Variants in TMEM132D observed in about 807,000 individuals in gnomAD.
TMEM132D encodes mature OL transmembrane protein.
A neutral mutation model predicts 62.3 loss-of-function variants in TMEM132D; 21 were observed. The observed-to-expected ratio is 0.34, with a 90% CI of 0.24 to 0.49. The LOEUF (loss-of-function observed/expected upper bound fraction) is 0.49, where lower values mean the gene tolerates loss of function less well. TMEM132D is among the 20% of genes least tolerant of loss of function. The pLI is 0.99. For missense variants in TMEM132D, 1,346 were observed against 1,402.8 expected (o/e 0.96, Z 0.65); for synonymous variants, 621 against 575.6 (o/e 1.08, Z -1.13).
At chr12:129,626,096 A>G (rs571449231) in intron 2 of TMEM132D, among the ~76,000 whole-genome samples, 2 of 152,204 alleles carry the variant, frequency 1.3e-5, no homozygotes, top group South Asian at 2.1e-4. Flanking sequence ...CTGGGAAAAA[A>G]AAAAAAGCTC....
intron 2 of TMEM132D, among the ~76,000 whole-genome samples, chr12:129,663,758 G>A (rs969883500): frequency 6.6e-6 from 1 of 152,130 alleles, no homozygotes; most frequent in Admixed American, 6.5e-5. Context: ...AGAAACAAGA[G>A]GAGAAGAAAG....
chr12:129,424,329 G>T, intron 3 of TMEM132D, among the ~76,000 whole-genome samples: 1 of 151,980 alleles, frequency 6.6e-6, no homozygotes, highest in East Asian at 1.9e-4. Context: ...ACATTCTCTA[G>T]TCACGCACTC....
chr12:129,870,379 C>A (rs964048986), intron 1 of TMEM132D, among the ~76,000 whole-genome samples: 2 of 152,168 alleles, frequency 1.3e-5, no homozygotes, highest in African/African-American at 4.8e-5. Context: ...CATGGGTTTA[C>A]AGTTCCACTC....
chr12:129,815,090 A>G (rs1872306060), intron 1 of TMEM132D, among the ~76,000 whole-genome samples: 1 of 152,234 alleles, frequency 6.6e-6, no homozygotes, highest in African/African-American at 2.4e-5. Context: ...TAGATGCTTA[A>G]TGAATATTTG....
At chr12:129,826,043 A>G (rs556010031) in intron 1 of TMEM132D, among the ~76,000 whole-genome samples, 7 of 152,350 alleles carry the variant, frequency 4.6e-5, no homozygotes, top group Admixed American at 3.9e-4. Context: ...TCTGGGCAAC[A>G]GAGCAAGACC....
At chr12:129,464,920 T>A (rs1873831955) in intron 3 of TMEM132D, among the ~76,000 whole-genome samples, 1 of 151,088 alleles carries the variant, frequency 6.6e-6, no homozygotes, top group Non-Finnish European at 1.5e-5. Context: ...CCTCCAGCTT[T>A]GTTCTTTTGG....
chr12:129,438,103 G>A (rs1593008691), intron 3 of TMEM132D, among the ~76,000 whole-genome samples: 1 of 152,238 alleles, frequency 6.6e-6, no homozygotes, highest in Non-Finnish European at 1.5e-5. Context: ...ATTCCATGGT[G>A]AATATGTACC....
intron 2 of TMEM132D, among the ~76,000 whole-genome samples, chr12:129,597,906 G>A (rs919253387): frequency 6.6e-5 from 10 of 152,236 alleles, no homozygotes; most frequent in Non-Finnish European, 1.0e-4. Context: ...GGTGGATGGG[G>A]TGATGGGTAC....
At chr12:129,580,041 G>C (rs910165524) in intron 2 of TMEM132D, among the ~76,000 whole-genome samples, 2 of 152,212 alleles carry the variant, frequency 1.3e-5, no homozygotes, top group Non-Finnish European at 1.5e-5. Context: ...AAAGAGGTAA[G>C]TGGCTACTTG....
intron 3 of TMEM132D, among the ~76,000 whole-genome samples, chr12:129,339,775 C>G (rs572541190): frequency 6.6e-6 from 1 of 152,166 alleles, no homozygotes; most frequent in South Asian, 2.1e-4. Context: ...CTGTGGGCCT[C>G]GCCTTCTGTT....
intron 2 of TMEM132D, among the ~76,000 whole-genome samples, chr12:129,594,421 A>G (rs1279583082): frequency 6.6e-6 from 1 of 152,220 alleles, no homozygotes. Context: ...GTGAAAATCA[A>G]GAGAGATCCT....
At chr12:129,491,977 A>C (rs530479893) in intron 3 of TMEM132D, among the ~76,000 whole-genome samples, 1 of 152,188 alleles carries the variant, frequency 6.6e-6, no homozygotes, top group African/African-American at 2.4e-5. Flanking sequence ...AGCTATCTCT[A>C]AAGAATACTT....
intron 5 of TMEM132D, among the ~76,000 whole-genome samples, chr12:129,131,010 C>A (rs2135525022): frequency 6.6e-6 from 1 of 152,166 alleles, no homozygotes; most frequent in South Asian, 2.1e-4. Context: ...CTGTAAGTTA[C>A]CAAGGTGTTT....
chr12:129,309,446 G>A (rs971358166), intron 4 of TMEM132D, among the ~76,000 whole-genome samples: 3 of 152,176 alleles, frequency 2.0e-5, no homozygotes, highest in Non-Finnish European at 2.9e-5. Context: ...AATATATGTT[G>A]GCCCTTTCTC....
At chr12:129,893,980 G>T (rs370134565) in intron 1 of TMEM132D, among the ~76,000 whole-genome samples, 99 of 152,322 alleles carry the variant, frequency 6.5e-4, no homozygotes, top group African/African-American at 2.3e-3. Context: ...AAATGGGAAA[G>T]AAGCCTTCTC....
At chr12:129,130,804 C>A (rs937120122) in intron 5 of TMEM132D, among the ~76,000 whole-genome samples, 1 of 152,180 alleles carries the variant, frequency 6.6e-6, no homozygotes, top group African/African-American at 2.4e-5. Flanking sequence ...CAGAAATTAG[C>A]TGGAAAACAT....
chr12:129,585,032 T>C (rs1424313468), intron 2 of TMEM132D, among the ~76,000 whole-genome samples: 1 of 152,260 alleles, frequency 6.6e-6, no homozygotes, highest in African/African-American at 2.4e-5. Context: ...CTAGTATCAC[T>C]GAGGTATGGA....
chr12:129,226,116 T>C (rs995676240), intron 4 of TMEM132D, among the ~76,000 whole-genome samples: 16 of 152,248 alleles, frequency 1.1e-4, no homozygotes, highest in Admixed American at 1.0e-3. Flanking sequence ...TCGCATCATG[T>C]GTTTGCTCTG....
chr12:129,787,280 G>A (rs1003721983), intron 1 of TMEM132D, among the ~76,000 whole-genome samples: 4 of 152,316 alleles, frequency 2.6e-5, no homozygotes, highest in African/African-American at 4.8e-5. Context: ...CTAAAGGGAA[G>A]TAAGTAGAAG....
Sources: gnomAD v4.1 joint callset for allele counts (sites outside exome capture counted in the v4.1 genomes callset) on GRCh38, gnomAD v4.1.1 for gene constraint, MANE v1.5 for transcripts, NCBI Gene and HGNC (gene_info 2026-07-23, HGNC 2026-07-21) for gene names.